Variants in PARD3 observed in about 807,000 individuals in gnomAD.
The protein encoded by PARD3 is par-3 family cell polarity regulator.
PARD3 carries 75 observed loss-of-function variants against 155.4 expected under a neutral mutation model. That is an observed-to-expected ratio of 0.48 (90% CI 0.40 to 0.58). The LOEUF is 0.58. Among genes scored for constraint, PARD3 ranks in the 20% least tolerant of loss-of-function variants. PARD3 has a pLI of 0.00. For missense variants in PARD3, 1,642 were observed against 1,721.7 expected (o/e 0.95, Z 0.82); for synonymous variants, 576 against 610.5 (o/e 0.94, Z 0.83).
In PARD3 at chr10:34,805,542, C is replaced by CATATATATATATATATATAT. The variant is rs58820083; in HGVS notation, c.120+9314_120+9333dup. On this transcript the variant is annotated intron_variant, in intron 1 of 24. Transcript: ENST00000374788. ...CACCCCAGAAATACACACGTATGTG[C>CATATATATATATATATATAT]ATATATATATATATATATATATATA... is the stretch of plus-strand genomic sequence containing the variant. Among the ~76,000 whole-genome samples, 14 of 140,776 alleles carry CATATATATATATATATATAT rather than the reference C, an allele frequency of 9.9e-5. No individual in the cohort carries two copies. In the East Asian group the frequency reaches 1.3e-3, roughly 13 times the overall value. The allele number at this position is 140,776 out of a possible 152,430, so 92.4% of individuals were successfully genotyped here. A position where few individuals can be genotyped will look rare whatever the true frequency, so the allele number is the denominator to read the frequency against.
intron 1 of PARD3, among the ~76,000 whole-genome samples, chr10:34,744,955 C>G (rs921870488): frequency 6.6e-6 from 1 of 152,208 alleles, no homozygotes; most frequent in Admixed American, 6.5e-5. Context: ...CTAGGACCCT[C>G]TGCATCCTCG....
At chr10:34,281,162 T>C (rs1047237136) in intron 21 of PARD3, among the ~76,000 whole-genome samples, 1 of 152,160 alleles carries the variant, frequency 6.6e-6, no homozygotes, top group Non-Finnish European at 1.5e-5. Context: ...TGGAACATGT[T>C]CTGTTTTGAG....
chr10:34,169,636 A>G (rs1949694015), intron 22 of PARD3, among the ~76,000 whole-genome samples: 1 of 152,198 alleles, frequency 6.6e-6, no homozygotes. Flanking sequence ...TATTAAACAC[A>G]CGATGGAACA....
At chr10:34,272,351 T>C (rs960182697) in intron 21 of PARD3, among the ~76,000 whole-genome samples, 2 of 152,184 alleles carry the variant, frequency 1.3e-5, no homozygotes, top group Non-Finnish European at 2.9e-5. Context: ...TGAAAAGCTC[T>C]AATTAGAAGA....
intron 2 of PARD3, among the ~76,000 whole-genome samples, chr10:34,534,398 G>A (rs977595502): frequency 3.9e-5 from 6 of 152,098 alleles, no homozygotes; most frequent in Non-Finnish European, 7.4e-5. Flanking sequence ...GCTGAAGAGC[G>A]GCAGGAGAAA....
At chr10:34,579,738 G>A (rs1043736759) in intron 2 of PARD3, among the ~76,000 whole-genome samples, 5 of 151,414 alleles carry the variant, frequency 3.3e-5, no homozygotes, top group African/African-American at 9.7e-5. Flanking sequence ...GCACCACCAC[G>A]CCTGGCTAAT....
At chr10:34,337,020 G>A (rs1329346296) in intron 17 of PARD3, among the ~76,000 whole-genome samples, 1 of 152,106 alleles carries the variant, frequency 6.6e-6, no homozygotes, top group Non-Finnish European at 1.5e-5. Context: ...GACATAGCAT[G>A]ATATGCATAT....
chr10:34,536,159 C>T (rs2083212423), intron 2 of PARD3, among the ~76,000 whole-genome samples: 1 of 152,154 alleles, frequency 6.6e-6, no homozygotes, highest in South Asian at 2.1e-4. Context: ...TACTCAACAC[C>T]TACGCTTCCA....
intron 22 of PARD3, among the ~76,000 whole-genome samples, chr10:34,131,898 G>T (rs1345559518): frequency 6.6e-6 from 1 of 151,962 alleles, no homozygotes; most frequent in Non-Finnish European, 1.5e-5. Flanking sequence ...TTTTTGGAAA[G>T]GACATTGCAT....
chr10:34,768,760 G>A (rs1210466115), intron 1 of PARD3, among the ~76,000 whole-genome samples: 1 of 152,228 alleles, frequency 6.6e-6, no homozygotes, highest in Non-Finnish European at 1.5e-5. Context: ...ACTCTGGATG[G>A]TGGAGCCAGG....
intron 2 of PARD3, among the ~76,000 whole-genome samples, chr10:34,693,014 CCAGT>C (rs762322053): frequency 3.0e-4 from 45 of 152,288 alleles, no homozygotes; most frequent in Admixed American, 7.2e-4. Context: ...CCACCTCACA[CCAGT>C]CAGAGTGGCA....
chr10:34,762,703 T>TGGGAGTC (rs1322941254), intron 1 of PARD3, among the ~76,000 whole-genome samples: 2 of 152,126 alleles, frequency 1.3e-5, no homozygotes, highest in African/African-American at 4.8e-5. Flanking sequence ...TATTGGAGAC[T>TGGGAGTC]GGGAGTCGGG....
At chr10:34,616,443 G>A (rs758883151) in intron 2 of PARD3, among the ~76,000 whole-genome samples, 3 of 152,124 alleles carry the variant, frequency 2.0e-5, no homozygotes, top group Non-Finnish European at 2.9e-5. Flanking sequence ...TGTTCACTGC[G>A]GCCTTATTCA....
chr10:34,387,928 A>G (rs1842507966), intron 7 of PARD3, among the ~76,000 whole-genome samples: 1 of 152,174 alleles, frequency 6.6e-6, no homozygotes, highest in South Asian at 2.1e-4. Context: ...AGCAATCCTA[A>G]CATACAGTAG....
At chr10:34,555,076 T>C (rs1250723372) in intron 2 of PARD3, among the ~76,000 whole-genome samples, 2 of 152,324 alleles carry the variant, frequency 1.3e-5, no homozygotes, top group East Asian at 1.9e-4. Flanking sequence ...CCATTGAATG[T>C]ACAACACCAA....
intron 2 of PARD3, among the ~76,000 whole-genome samples, chr10:34,581,251 T>TTTTTTTTTTTTTTTTTTTTG (rs2087446991): frequency 6.8e-6 from 1 of 146,932 alleles, no homozygotes; most frequent in African/African-American, 2.5e-5. Context: ...TTTTTTTTTT[T>TTTTTTTTTTTTTTTTTTTTG]TGAGACGGAG....
intron 21 of PARD3, among the ~76,000 whole-genome samples, chr10:34,273,084 C>G (rs1331401017): frequency 3.9e-5 from 6 of 152,158 alleles, no homozygotes; most frequent in Non-Finnish European, 7.4e-5. Flanking sequence ...TAAACATATA[C>G]TTATCATACT....
intron 22 of PARD3, among the ~76,000 whole-genome samples, chr10:34,221,689 C>T (rs556587313): frequency 6.6e-6 from 1 of 152,192 alleles, no homozygotes; most frequent in African/African-American, 2.4e-5. Context: ...CCAAAGATGA[C>T]ATAGAAAGAA....
chr10:34,601,588 C>T (rs2089787560), intron 2 of PARD3, among the ~76,000 whole-genome samples: 3 of 152,152 alleles, frequency 2.0e-5, no homozygotes, highest in African/African-American at 2.4e-5. Context: ...GCGGCCCACC[C>T]CACAGGTATC....
Sources: gnomAD v4.1 joint callset for allele counts (sites outside exome capture counted in the v4.1 genomes callset) on GRCh38, gnomAD v4.1.1 for gene constraint, MANE v1.5 for transcripts, NCBI Gene and HGNC (gene_info 2026-07-23, HGNC 2026-07-21) for gene names.